Variants in MTA3 observed in about 807,000 individuals in gnomAD.
The protein encoded by MTA3 is metastasis-associated protein MTA3.
A neutral mutation model predicts 83.5 loss-of-function variants in MTA3; 34 were observed. The observed-to-expected ratio is 0.41, with a 90% confidence interval of 0.31 to 0.54. The LOEUF (loss-of-function observed/expected upper bound fraction) is 0.54, where lower values mean the gene tolerates loss of function less well. MTA3 is among the 20% of genes least tolerant of loss of function. The pLI, the probability that MTA3 is intolerant of heterozygous loss-of-function variation, is 0.33. For synonymous variants in MTA3, 303 were observed against 252.7 expected (o/e 1.20, Z -1.89); for missense variants, 761 against 726.4 (o/e 1.05, Z -0.55).
At chr2:42,669,030 C>T (rs530731772) in intron 8 of MTA3, among the ~76,000 whole-genome samples, 12 of 151,526 alleles carry the variant, frequency 7.9e-5, no homozygotes, top group Admixed American at 6.6e-4. Context: ...CATTTAGGGC[C>T]TTGTGGGTAC....
intron 16 of MTA3, among the ~76,000 whole-genome samples, chr2:42,726,306 C>G (rs1667811378): frequency 6.6e-6 from 1 of 151,854 alleles, no homozygotes; most frequent in South Asian, 2.1e-4. Flanking sequence ...AGTGGCTTGC[C>G]TCCTCCACTC....
intron 8 of MTA3, among the ~76,000 whole-genome samples, chr2:42,668,698 A>T (rs1033474610): frequency 1.3e-5 from 2 of 152,156 alleles, no homozygotes; most frequent in African/African-American, 2.4e-5. Context: ...TTATTATTTT[A>T]GTAGATTATC....
chr2:42,746,441 A>T (rs1669438069), intron 16 of MTA3, among the ~76,000 whole-genome samples: 1 of 152,178 alleles, frequency 6.6e-6, no homozygotes, highest in Non-Finnish European at 1.5e-5. Flanking sequence ...CACACCAAGC[A>T]AGCAATCAGT....
chr2:42,592,878 C>T (rs571718904), intron 3 of MTA3, among the ~76,000 whole-genome samples: 8 of 152,056 alleles, frequency 5.3e-5, no homozygotes, highest in South Asian at 4.2e-4. Context: ...AGGCCAGGTG[C>T]GGTGGCTCAC....
chr2:42,649,487 T>C lies in MTA3; in HGVS notation c.499+5243T>C, dbSNP rs552931730. On this transcript the variant is annotated intron_variant, in intron 6 of 16. Coordinates refer to ENST00000405094, the MANE Select transcript of MTA3 (RefSeq NM_001330442.2). ...AATTAAAATAGTATATCTTTTGTTA[T>C]ATTGTATGCACTTAAAACTTGTATT... Among the ~76,000 whole-genome samples the C allele has an allele frequency of 1.1e-4, 17 of 152,290 alleles. No homozygotes were observed. The East Asian group carries it at 3.1e-3, about 28-fold the overall frequency.
chr2:42,542,837 G>T (rs925703850), intron 2 of MTA3, among the ~76,000 whole-genome samples: 1 of 151,936 alleles, frequency 6.6e-6, no homozygotes, highest in Non-Finnish European at 1.5e-5. Flanking sequence ...GATTACAGGC[G>T]TGACCCACTG....
intron 2 of MTA3, among the ~76,000 whole-genome samples, chr2:42,543,360 T>G (rs1676608087): frequency 6.6e-6 from 1 of 152,084 alleles, no homozygotes; most frequent in Non-Finnish European, 1.5e-5. Context: ...GTATTTTTAG[T>G]AGAGGTGGGG....
intron 2 of MTA3, among the ~76,000 whole-genome samples, chr2:42,552,088 G>T (rs1196119933): frequency 1.3e-5 from 2 of 151,986 alleles, no homozygotes; most frequent in African/African-American, 4.8e-5. Flanking sequence ...AAATTCCTGG[G>T]CTCAAGCAGT....
chr2:42,732,970 A>G (rs1313433866), intron 16 of MTA3, among the ~76,000 whole-genome samples: 1 of 152,188 alleles, frequency 6.6e-6, no homozygotes, highest in African/African-American at 2.4e-5. Context: ...ATTTTGGGCA[A>G]AGCCATTCAG....
intron 4 of MTA3, among the ~76,000 whole-genome samples, chr2:42,631,888 C>G (rs978498124): frequency 6.6e-6 from 1 of 151,916 alleles, no homozygotes; most frequent in Non-Finnish European, 1.5e-5. Flanking sequence ...TGGGGTAGCA[C>G]CATGTTGGCC....
intron 2 of MTA3, among the ~76,000 whole-genome samples, chr2:42,560,477 G>A (rs1677615795): frequency 6.6e-6 from 1 of 151,124 alleles, no homozygotes; most frequent in South Asian, 2.1e-4. Flanking sequence ...GCTTGAACCC[G>A]AGAGGCAGAG....
intron 2 of MTA3, among the ~76,000 whole-genome samples, chr2:42,507,500 T>C (rs1486726584): frequency 2.0e-5 from 3 of 151,936 alleles, no homozygotes; most frequent in Non-Finnish European, 4.4e-5. Context: ...CATAAAATAG[T>C]TATGAGTGGT....
chr2:42,585,476 CTTTTT>C (rs35808147), intron 3 of MTA3, among the ~76,000 whole-genome samples: 4 of 119,032 alleles, frequency 3.4e-5, no homozygotes, highest in African/African-American at 6.6e-5. Context: ...TCTTTCTTTT[CTTTTT>C]TTTTTTTTTT....
At chr2:42,725,726 C>CT (rs1270878357) in intron 16 of MTA3, among the ~76,000 whole-genome samples, 2 of 152,216 alleles carry the variant, frequency 1.3e-5, no homozygotes, top group African/African-American at 4.8e-5. Context: ...CTGCACCTAC[C>CT]TGGGGGGACA....
intron 8 of MTA3, among the ~76,000 whole-genome samples, chr2:42,660,638 G>T (rs1377916830): frequency 3.3e-5 from 5 of 152,054 alleles, no homozygotes; most frequent in Non-Finnish European, 7.4e-5. Flanking sequence ...TGATAGGCAC[G>T]GTAGGATGCT....
chr2:42,561,967 G>A (rs970354357), intron 2 of MTA3, among the ~76,000 whole-genome samples: 1 of 152,130 alleles, frequency 6.6e-6, no homozygotes, highest in Non-Finnish European at 1.5e-5. Context: ...CAGTTCTACA[G>A]GCCAGAAGCT....
intron 2 of MTA3, among the ~76,000 whole-genome samples, chr2:42,571,588 T>A (rs144184837): frequency 1.3e-5 from 2 of 152,294 alleles, no homozygotes; most frequent in East Asian, 3.9e-4. Context: ...TATTTTTCCC[T>A]TTTTAGTGAA....
At chr2:42,614,364 T>G (rs1306522064) in intron 4 of MTA3, among the ~76,000 whole-genome samples, 1 of 152,252 alleles carries the variant, frequency 6.6e-6, no homozygotes, top group South Asian at 2.1e-4. Context: ...CCCAAAGTGC[T>G]GGGATTACAG....
chr2:42,571,719 G>C (rs1373297837), intron 2 of MTA3, among the ~76,000 whole-genome samples: 1 of 149,348 alleles, frequency 6.7e-6, no homozygotes, highest in Non-Finnish European at 1.5e-5. Context: ...AGGTCGAGGC[G>C]GGCGGATCAC....
Sources: allele counts gnomAD v4.1 joint callset (sites outside exome capture counted in the v4.1 genomes callset), GRCh38; gene constraint gnomAD v4.1.1; transcripts MANE v1.5; gene names NCBI Gene and HGNC (gene_info 2026-07-23, HGNC 2026-07-21).